VTI1A: variants seen among roughly 807,000 people sequenced by gnomAD.
VTI1A encodes the protein vesicle transport through interaction with t-SNAREs 1A.
VTI1A carries 22 observed loss-of-function variants against 34.9 expected under a neutral mutation model. The ratio of observed to expected loss-of-function variants is 0.63; its 90% CI spans 0.45 to 0.90. The LOEUF is 0.90. VTI1A is among the 40% of genes least tolerant of loss of function. The probability of loss-of-function intolerance (pLI) is 0.00; values close to 1 mark genes in which losing one functional copy is unlikely to be tolerated. For synonymous variants in VTI1A, 87 were observed against 97.3 expected (o/e 0.89, Z 0.62); for missense variants, 268 against 275.6 (o/e 0.97, Z 0.20).
At chr10:112,780,273 AAAAT>A (rs143844379) in intron 7 of VTI1A, among the ~76,000 whole-genome samples, 14,633 of 138,028 alleles carry the variant, frequency 0.11, 1,113 homozygotes, top group African/African-American at 0.21. Flanking sequence ...CCTGTCTCTA[AAAAT>A]AAATAAATAA....
At chr10:112,695,916 A>G (rs551507458) in intron 7 of VTI1A, among the ~76,000 whole-genome samples, 9 of 152,182 alleles carry the variant, frequency 5.9e-5, no homozygotes, top group Admixed American at 4.6e-4. Context: ...GAAAAGTTAG[A>G]TGAAACGTGT....
chr10:112,456,257 T>G (rs956227737), intron 1 of VTI1A, among the ~76,000 whole-genome samples: 1 of 151,980 alleles, frequency 6.6e-6, no homozygotes, highest in Admixed American at 6.6e-5. Context: ...CTCATTCTAC[T>G]AATATAATAC....
intron 7 of VTI1A, among the ~76,000 whole-genome samples, chr10:112,745,231 TG>T (rs530639698): frequency 1.3e-5 from 2 of 152,122 alleles, no homozygotes; most frequent in East Asian, 3.9e-4. Flanking sequence ...GATCAAAACT[TG>T]TTTTTTTTTT....
the VTI1A span, among the ~76,000 whole-genome samples, chr10:112,846,357 G>T: frequency 4.6e-5 from 7 of 152,192 alleles, no homozygotes; most frequent in Non-Finnish European, 7.3e-5. Context: ...GCGGGAGATT[G>T]GCACAAGCAC....
Position 112,737,629 on chromosome 10 carries a change from G to A in VTI1A, c.560+68631G>A, listed in dbSNP as rs1307038584. The A allele has an allele frequency of 5.7e-6, 6 of 1,049,342 alleles. No individual in the cohort carries two copies. The African/African-American group carries it at 8.3e-5, about 15-fold the overall frequency. 65.0% of individuals were successfully genotyped at this position (1,049,342 alleles called of 1,614,324 possible). On this transcript the variant is annotated intron_variant, in intron 7 of 7. Coordinates refer to ENST00000393077, the MANE Select transcript of VTI1A (RefSeq NM_145206.4). ...TGTGATCTGAAGGCAAAGCCTCTAT[G>A]TGTGAAACACAGGGGTACCTCAAAA...
intron 7 of VTI1A, among the ~76,000 whole-genome samples, chr10:112,766,685 C>T (rs1476769117): frequency 6.6e-6 from 1 of 152,164 alleles, no homozygotes; most frequent in Admixed American, 6.5e-5. Context: ...TGGATTCCTA[C>T]CATAGGGAAG....
At chr10:112,790,349 G>C (rs1479493702) in intron 7 of VTI1A, among the ~76,000 whole-genome samples, 1 of 152,124 alleles carries the variant, frequency 6.6e-6, no homozygotes, top group Non-Finnish European at 1.5e-5. Context: ...TGTCTCTCAG[G>C]TCTTCCCAGC....
rs112006544 is a variant in VTI1A at position 112,747,427 on chromosome 10, T to C, written c.561-67863T>C. 1.2e-3 allele frequency among the ~76,000 whole-genome samples: 177 copies of C among 152,348 alleles called. 1 individual carries two copies. Among genetic ancestry groups the C allele is most frequent in the African/African-American group, 4.0e-3 (167 of 41,582 alleles). ...TCCTATAGTGCCTAGGCTACACTCATGTACAGCATTTTACTGTCCTGAATA... is the reference window on the plus strand; with the variant it reads ...TCCTATAGTGCCTAGGCTACACTCACGTACAGCATTTTACTGTCCTGAATA... On this transcript the variant is annotated intron_variant, in intron 7 of 7. Transcript: ENST00000393077.
chr10:112,589,250 G>A (rs1844284561), intron 5 of VTI1A, among the ~76,000 whole-genome samples: 2 of 152,070 alleles, frequency 1.3e-5, no homozygotes, highest in Non-Finnish European at 2.9e-5. Flanking sequence ...GGAGGGACCC[G>A]AATGGGAGAT....
At chr10:112,854,094 A>G in the VTI1A span, among the ~76,000 whole-genome samples, 1 of 152,132 alleles carries the variant, frequency 6.6e-6, no homozygotes, top group Non-Finnish European at 1.5e-5. Context: ...CTGGGTCCTC[A>G]TATGATACTG....
At chr10:112,650,724 A>G (rs576877606) in intron 5 of VTI1A, among the ~76,000 whole-genome samples, 31 of 152,332 alleles carry the variant, frequency 2.0e-4, no homozygotes, top group African/African-American at 7.2e-4. Flanking sequence ...CAGCGCTATT[A>G]TAATCTTTTG....
chr10:112,765,453 G>A (rs1332188005), intron 7 of VTI1A, among the ~76,000 whole-genome samples: 1 of 152,128 alleles, frequency 6.6e-6, no homozygotes, highest in Non-Finnish European at 1.5e-5. Context: ...CAAGTGATCT[G>A]CCCACCTCGG....
rs528852726 is a variant in VTI1A at position 112,669,078 on chromosome 10, A to G, written c.560+80A>G. 3.5e-4 allele frequency: 531 copies of G among 1,515,136 alleles called. 5 individuals are homozygous for G. In the African/African-American group the frequency reaches 6.2e-3, roughly 18 times the overall value. 93.9% of individuals were successfully genotyped at this position (1,515,136 alleles called of 1,614,324 possible). On this transcript the variant is annotated intron_variant, in intron 7 of 7. Transcript: ENST00000393077. ...TGTTTTCATTCAATTGCAATGGGGC[A>G]TATTACATGCTTTTGAGCTTCTGCT... is the stretch of plus-strand genomic sequence containing the variant.
At chr10:112,796,770 CTAATTTGATAGTTCTCTATCAAG>C (rs1342330683) in intron 7 of VTI1A, among the ~76,000 whole-genome samples, 4 of 152,218 alleles carry the variant, frequency 2.6e-5, no homozygotes, top group Non-Finnish European at 5.9e-5. Flanking sequence ...CTCCTGTCAG[CTAATTTGATAGTTCTCTATCAAG>C]TAAACCATTA....
chr10:112,823,765 T>A, the VTI1A span: 11 of 152,366 alleles, frequency 7.2e-5, no homozygotes, highest in East Asian at 2.1e-3. Flanking sequence ...CCCACAGAGC[T>A]GGAAAGAGCA....
the VTI1A span, among the ~76,000 whole-genome samples, chr10:112,853,906 G>A: frequency 6.6e-6 from 1 of 152,174 alleles, no homozygotes; most frequent in African/African-American, 2.4e-5. Flanking sequence ...CGTAGGAAGA[G>A]CCTTGGCTTT....
intron 5 of VTI1A, among the ~76,000 whole-genome samples, chr10:112,596,021 A>G (rs1415149999): frequency 1.3e-5 from 2 of 152,062 alleles, no homozygotes; most frequent in Non-Finnish European, 2.9e-5. Flanking sequence ...AGGGACATGG[A>G]TGAAATTGGA....
chr10:112,803,091 G>A lies in VTI1A; in HGVS notation c.561-12199G>A, dbSNP rs138579251. On this transcript the variant is annotated intron_variant, in intron 7 of 7. Coordinates refer to ENST00000393077, the MANE Select transcript of VTI1A (RefSeq NM_145206.4). ...ATTTTATTTTTTTATTTTTTGAGAC[G>A]AAGTTTCGCTCTTGTTGCCCAGGCT... 2.4e-3 allele frequency among the ~76,000 whole-genome samples: 368 copies of A among 152,066 alleles called. 1 individual carries two copies. The highest frequency in any genetic ancestry group is 8.2e-3 in the African/African-American group (340 of 41,492).
At chr10:112,567,126 C>G (rs984973152) in intron 5 of VTI1A, among the ~76,000 whole-genome samples, 1 of 152,052 alleles carries the variant, frequency 6.6e-6, no homozygotes, top group Non-Finnish European at 1.5e-5. Context: ...ACCTCCCTGG[C>G]TCAGGTAACC....
Sources: allele counts gnomAD v4.1 joint callset (sites outside exome capture counted in the v4.1 genomes callset), GRCh38; gene constraint gnomAD v4.1.1; transcripts MANE v1.5; gene names NCBI Gene and HGNC (gene_info 2026-07-23, HGNC 2026-07-21).